The following TRIM35 variants were observed in gnomAD, a reference collection of about 807,000 sequenced individuals.
TRIM35 encodes the protein tripartite motif containing 35, also known as E3 ubiquitin-protein ligase TRIM35.
Under a neutral mutation model 49.1 loss-of-function variants are expected in TRIM35, and 37 were observed. The ratio of observed to expected loss-of-function variants is 0.75; its 90% CI spans 0.58 to 0.99. The LOEUF is 0.99. Among genes scored for constraint, TRIM35 ranks in the 50% least tolerant of loss-of-function variants. TRIM35 has a pLI of 0.00. For missense variants in TRIM35, 648 were observed against 702.7 expected, an observed-to-expected ratio of 0.92 and a Z score of 0.88; for synonymous variants, 302 against 289.3, an observed-to-expected ratio of 1.04 and a Z score of -0.45.
chr8:27,298,600 G>T, intron 1 of TRIM35, 41 bp from the exon 2 acceptor site: 1 of 1,554,572 alleles, frequency 6.4e-7, no homozygotes, highest in Non-Finnish European at 8.9e-7. Flanking sequence ...ACAGGTTAGG[G>T]CTGGAGGCTG....
At position 27,287,250 on chromosome 8, in the gene TRIM35, T is replaced by G. The variant is rs1347008471; in HGVS notation, c.*300A>C. The G allele has an allele frequency of 7.8e-6, 3 of 383,860 alleles. No homozygotes were observed. The highest frequency in any genetic ancestry group is 1.4e-5 in the Non-Finnish European group (3 of 210,740). The allele number at this position is 383,860 out of a possible 1,614,324, so 23.8% of individuals were successfully genotyped here. Reference sequence around the variant, plus strand: ...GTTTACAACAGGCCCATTCTAGAAGTAAACATTATTCCCAGAAATCCTGGA... The same window carrying G: ...GTTTACAACAGGCCCATTCTAGAAGGAAACATTATTCCCAGAAATCCTGGA... On this transcript the variant is annotated 3_prime_UTR_variant, in exon 6 of 6. Transcript: ENST00000305364. The surrounding 1 kb of genome is among the most constrained non-coding windows in gnomAD (Gnocchi z 6.0).
intron 1 of TRIM35, among the ~76,000 whole-genome samples, chr8:27,306,273 C>T (rs1445949062): frequency 6.6e-6 from 1 of 152,070 alleles, no homozygotes; most frequent in African/African-American, 2.4e-5. Flanking sequence ...ACAGCGCTGA[C>T]ACATGCTTTC....
rs760449319 is a variant in TRIM35 at position 27,311,113 on chromosome 8, G to A, written c.123C>T (p.Cys41=). The A allele has an allele frequency of 3.7e-6, 6 of 1,600,142 alleles. No homozygotes were observed. Among genetic ancestry groups the A allele is most frequent in the Admixed American group, 3.5e-5 (2 of 57,426 alleles). Residue 41 remains cysteine (C), a synonymous_variant, in exon 1 of 6, where the codon TGC becomes TGT. Coordinates refer to ENST00000305364, the MANE Select transcript of TRIM35 (RefSeq NM_171982.5). ...AVTLRCGHNF[C]RGCVSRCWEV... ...CCCAGCAGCGGCTCACGCACCCGCG[G>A]CAGAAGTTGTGGCCGCAGCGCAGAG...
chr8:27,311,155 G>A lies in TRIM35; in HGVS notation c.81C>T (p.Pro27=). The part of the protein sequence containing the change: ...EELLCAVCYD[P]FRDAVTLRCG... ...AGCGCAGAGTGACTGCGTCGCGGAAGGGGTCGTAGCAGACGGCGCAGAGCA... is the reference window on the plus strand; with the variant it reads ...AGCGCAGAGTGACTGCGTCGCGGAAAGGGTCGTAGCAGACGGCGCAGAGCA... The change falls in exon 1 of 6, where the codon CCC becomes CCT. Residue 27 remains proline, a synonymous_variant. Transcript: ENST00000305364. 6.2e-7 allele frequency: 1 copy of A among 1,607,250 alleles called. No individual in the cohort carries two copies. The highest frequency in any genetic ancestry group is 8.5e-7 in the Non-Finnish European group (1 of 1,177,938).
At chr8:27,308,172 C>T (rs1586057813) in intron 1 of TRIM35, among the ~76,000 whole-genome samples, 1 of 151,582 alleles carries the variant, frequency 6.6e-6, no homozygotes, top group Non-Finnish European at 1.5e-5. Context: ...GATTTTAGGA[C>T]TTCCAACCTC....
chr8:27,301,425 ATTG>A (rs1802680361), intron 1 of TRIM35, among the ~76,000 whole-genome samples: 1 of 152,194 alleles, frequency 6.6e-6, no homozygotes, highest in Admixed American at 6.5e-5. Flanking sequence ...GTAATGCCAA[ATTG>A]TTTTCCAAAG....
At chr8:27,304,715 C>T (rs1308039532) in intron 1 of TRIM35, 1 of 404,136 alleles carries the variant, frequency 2.5e-6, no homozygotes, top group Non-Finnish European at 4.8e-6. Flanking sequence ...AACCACCTGC[C>T]CAGTCAATGA....
At chr8:27,303,058 G>C (rs1235331588) in intron 1 of TRIM35, among the ~76,000 whole-genome samples, 2 of 152,130 alleles carry the variant, frequency 1.3e-5, no homozygotes, top group Non-Finnish European at 2.9e-5. Context: ...GATATTTGCT[G>C]TAAGTTTTTT....
intron 1 of TRIM35, among the ~76,000 whole-genome samples, chr8:27,300,366 T>C (rs1364622223): frequency 1.3e-5 from 2 of 151,474 alleles, no homozygotes; most frequent in Non-Finnish European, 2.9e-5. Context: ...TTTAAGGCAC[T>C]AAGTTTTGGG....
rs1392763059 is a variant in TRIM35, at chr8:27,310,780, C to A, written c.435+21G>T. 7 of 1,552,996 alleles carry A rather than the reference C, an allele frequency of 4.5e-6. No homozygotes were observed. The African/African-American group carries it at 5.5e-5, about 12-fold the overall frequency. On this transcript the variant is annotated intron_variant, in intron 1 of 5. Transcript: ENST00000305364. Reference sequence around the variant, plus strand: ...GGTTCCAGACCCGGCTCGGCCGCCTCGTGCAAATCGCTGCTCTTACCCGAA... The same window carrying A: ...GGTTCCAGACCCGGCTCGGCCGCCTAGTGCAAATCGCTGCTCTTACCCGAA...
intron 2 of TRIM35, among the ~76,000 whole-genome samples, chr8:27,297,814 G>A (rs1802600313): frequency 6.6e-6 from 1 of 152,244 alleles, no homozygotes; most frequent in Admixed American, 6.5e-5. Context: ...AGGTGAGGCA[G>A]AGAAGTAAAT....
At chr8:27,301,141 A>G (rs1430959739) in intron 1 of TRIM35, among the ~76,000 whole-genome samples, 1 of 152,234 alleles carries the variant, frequency 6.6e-6, no homozygotes, top group Non-Finnish European at 1.5e-5. Context: ...CAATTATATT[A>G]CTATTGCTAG....
In TRIM35 at chr8:27,287,154, T is replaced by G; in HGVS notation, c.*396A>C. The stretch of plus-strand genomic sequence containing the variant: ...TATGTGGCCCCTCCTCTCAGAACCG[T>G]AAGTAACAAACTCTCCTTTCCATGG... On this transcript the variant is annotated 3_prime_UTR_variant, in exon 6 of 6. Transcript: ENST00000305364. This position sits in a 1 kb window ranked among gnomAD's most constrained non-coding sequence, Gnocchi z 6.0. The G allele has an allele frequency of 1.2e-5, 2 of 170,742 alleles. No individual in the cohort carries two copies. The highest frequency in any genetic ancestry group is 2.5e-5 in the Non-Finnish European group (2 of 80,238). 10.6% of individuals were successfully genotyped at this position (170,742 alleles called of 1,614,324 possible).
In TRIM35 at chr8:27,286,009, A is replaced by G. The variant is rs1335775094; in HGVS notation, c.*1541T>C. ...TTTATCTAACCAGTGTACACAACATATTTATAACCAATTAATACGTGTGAG... is the reference window on the plus strand; with the variant it reads ...TTTATCTAACCAGTGTACACAACATGTTTATAACCAATTAATACGTGTGAG... On this transcript the variant is annotated 3_prime_UTR_variant, in exon 6 of 6. Coordinates refer to ENST00000305364, the MANE Select transcript of TRIM35 (RefSeq NM_171982.5). 1.6e-5 allele frequency: 7 copies of G among 446,860 alleles called. No individual in the cohort carries two copies. The highest frequency in any genetic ancestry group is 2.7e-5 in the Non-Finnish European group (6 of 222,592). 27.7% of individuals were successfully genotyped at this position (446,860 alleles called of 1,614,324 possible).
At chr8:27,288,249 T>C in intron 5 of TRIM35, 122 bp from the exon 6 acceptor site, 1 of 980,280 alleles carries the variant, frequency 1.0e-6, no homozygotes, top group Non-Finnish European at 1.5e-6. Flanking sequence ...ATGCAAGGAG[T>C]GGCCCAGGGC....
rs769699621 is a variant in TRIM35, at chr8:27,311,258, G to T, written c.-23C>A. 69 of 1,479,886 alleles carry T rather than the reference G, an allele frequency of 4.7e-5. No homozygotes were observed. Among genetic ancestry groups the T allele is most frequent in the Non-Finnish European group, 5.8e-5 (65 of 1,113,536 alleles). The allele number at this position is 1,479,886 out of a possible 1,614,324, so 91.7% of individuals were successfully genotyped here. ...CATGGCACGAGCAGCCGGCTCGGGC[G>T]CCCGGAACTTTTGCTCCGGCCCCTC... is the stretch of plus-strand genomic sequence containing the variant. On this transcript the variant is annotated 5_prime_UTR_variant, in exon 1 of 6. Transcript: ENST00000305364.
intron 1 of TRIM35, among the ~76,000 whole-genome samples, chr8:27,300,307 G>T (rs953067277): frequency 6.6e-6 from 1 of 152,192 alleles, no homozygotes; most frequent in Non-Finnish European, 1.5e-5. Flanking sequence ...CAGAGCTAAG[G>T]CAGGCCCAAT....
At chr8:27,291,368 A>G (rs1802450696) in intron 3 of TRIM35, among the ~76,000 whole-genome samples, 1 of 152,222 alleles carries the variant, frequency 6.6e-6, no homozygotes, top group African/African-American at 2.4e-5. Flanking sequence ...ATACCACTTC[A>G]CACCTACAAG....
At chr8:27,292,993 TTTTC>T (rs908900692) in intron 3 of TRIM35, among the ~76,000 whole-genome samples, 1 of 148,682 alleles carries the variant, frequency 6.7e-6, no homozygotes, top group African/African-American at 2.6e-5. Flanking sequence ...ACAAAATGAT[TTTTC>T]TTTTTCTTTT....
Sources: allele counts gnomAD v4.1 joint callset (sites outside exome capture counted in the v4.1 genomes callset), GRCh38; gene constraint gnomAD v4.1.1; non-coding constraint Gnocchi (gnomAD v3.1); transcripts MANE v1.5; gene names NCBI Gene and HGNC (gene_info 2026-07-23, HGNC 2026-07-21).